Variants in NCAM2 observed in about 807,000 individuals in gnomAD.
NCAM2 encodes the protein N-CAM-2.
In NCAM2, 30 loss-of-function variants were observed where a neutral mutation model predicts 98.1. The ratio of observed to expected loss-of-function variants is 0.31; its 90% CI spans 0.23 to 0.41. The LOEUF is 0.41. NCAM2 is among the 10% of genes least tolerant of loss of function. The pLI, the probability that NCAM2 is intolerant of heterozygous loss-of-function variation, is 1.00. For synonymous variants in NCAM2, 368 were observed against 342.4 expected, an observed-to-expected ratio of 1.07 and a Z score of -0.83; for missense variants, 867 against 1,005.8, an observed-to-expected ratio of 0.86 and a Z score of 1.87.
At chr21:21,078,116 G>A (rs2146391748) in intron 1 of NCAM2, among the ~76,000 whole-genome samples, 1 of 152,078 alleles carries the variant, frequency 6.6e-6, no homozygotes, top group Non-Finnish European at 1.5e-5. Context: ...CACTTATAAG[G>A]GGAGTTTATT....
At chr21:21,413,045 A>C (rs2076919491) in intron 10 of NCAM2, among the ~76,000 whole-genome samples, 1 of 152,170 alleles carries the variant, frequency 6.6e-6, no homozygotes. Flanking sequence ...AACTTTTAAA[A>C]TTGTGTGTTT....
intron 5 of NCAM2, among the ~76,000 whole-genome samples, chr21:21,306,166 TGTTG>T (rs202056674): frequency 6.6e-6 from 1 of 152,266 alleles, no homozygotes; most frequent in Non-Finnish European, 1.5e-5. Flanking sequence ...ATTTTGTTGA[TGTTG>T]GTTAATGTTT....
chr21:21,235,997 T>C (rs922267706), intron 1 of NCAM2, among the ~76,000 whole-genome samples: 1 of 152,092 alleles, frequency 6.6e-6, no homozygotes, highest in African/African-American at 2.4e-5. Context: ...ACTGAGTTAA[T>C]GAATGCTTGA....
intron 1 of NCAM2, among the ~76,000 whole-genome samples, chr21:21,014,177 G>A (rs571014687): frequency 1.2e-4 from 18 of 152,228 alleles, no homozygotes; most frequent in African/African-American, 4.3e-4. Flanking sequence ...CGTAATCCCA[G>A]CACTTTGGGA....
At chr21:21,237,189 C>T (rs1450675598) in intron 1 of NCAM2, among the ~76,000 whole-genome samples, 1 of 152,100 alleles carries the variant, frequency 6.6e-6, no homozygotes, top group African/African-American at 2.4e-5. Context: ...ATTCCATAAT[C>T]CTTTCATTAG....
At chr21:21,503,597 C>A (rs113258401) in intron 15 of NCAM2, among the ~76,000 whole-genome samples, 1 of 151,760 alleles carries the variant, frequency 6.6e-6, no homozygotes. Flanking sequence ...TATAGATAAC[C>A]GAAACTGCAG....
At chr21:21,199,254 G>A (rs1024753859) in intron 1 of NCAM2, among the ~76,000 whole-genome samples, 5 of 152,162 alleles carry the variant, frequency 3.3e-5, no homozygotes, top group African/African-American at 1.2e-4. Flanking sequence ...CAGTCAGAGA[G>A]CTCTGCATTA....
At chr21:21,530,355 A>G (rs1168834185) in intron 16 of NCAM2, among the ~76,000 whole-genome samples, 2 of 145,216 alleles carry the variant, frequency 1.4e-5, no homozygotes, top group Non-Finnish European at 3.0e-5. Flanking sequence ...AAATTAAAAT[A>G]TAATTTGATT....
intron 1 of NCAM2, among the ~76,000 whole-genome samples, chr21:21,043,677 C>T (rs1009287861): frequency 2.6e-5 from 4 of 151,022 alleles, no homozygotes; most frequent in Admixed American, 6.6e-5. Context: ...ACAGTGAAAC[C>T]GCGAATCTAC....
At chr21:21,351,136 A>T (rs1602069739) in intron 8 of NCAM2, among the ~76,000 whole-genome samples, 1 of 149,780 alleles carries the variant, frequency 6.7e-6, no homozygotes, top group Non-Finnish European at 1.5e-5. Flanking sequence ...AAAAAAAAAA[A>T]AAAAAAGAAA....
At chr21:21,516,379 A>G (rs1259248505) in intron 16 of NCAM2, among the ~76,000 whole-genome samples, 2 of 152,052 alleles carry the variant, frequency 1.3e-5, no homozygotes, top group Admixed American at 1.3e-4. Flanking sequence ...TAATTATAAA[A>G]GTTTTTTTTT....
chr21:21,117,569 A>G (rs1283071009), intron 1 of NCAM2, among the ~76,000 whole-genome samples: 1 of 152,250 alleles, frequency 6.6e-6, no homozygotes, highest in African/African-American at 2.4e-5. Flanking sequence ...GCAATAAAAA[A>G]GTAGGAAATA....
intron 8 of NCAM2, among the ~76,000 whole-genome samples, chr21:21,366,899 G>A (rs116378738): frequency 1.3e-5 from 2 of 151,874 alleles, no homozygotes; most frequent in African/African-American, 4.8e-5. Context: ...TTAAATTTTC[G>A]ATTTTAAAAT....
chr21:21,260,943 T>C (rs1315316337), intron 1 of NCAM2, among the ~76,000 whole-genome samples: 1 of 152,084 alleles, frequency 6.6e-6, no homozygotes, highest in Non-Finnish European at 1.5e-5. Context: ...TCAACCACCA[T>C]CTTTTGCCTT....
chr21:21,516,741 T>C (rs1988735710), intron 16 of NCAM2, among the ~76,000 whole-genome samples: 1 of 152,288 alleles, frequency 6.6e-6, no homozygotes, highest in South Asian at 2.1e-4. Context: ...AAAGCTGCTC[T>C]TTTCAGTCGA....
chr21:21,345,159 A>G lies in NCAM2; in HGVS notation c.1044+6625A>G, dbSNP rs569222596. Among the ~76,000 whole-genome samples, 5 of 152,246 alleles carry G rather than the reference A, an allele frequency of 3.3e-5. No individual in the cohort carries two copies. The South Asian group carries it at 1.0e-3, about 32-fold the overall frequency. ...GAAAGCCTTCCTAAGTAGGATGGAT[A>G]CAAATAAGCCCAAACAGTGAAGAAT... On this transcript the variant is annotated intron_variant, in intron 8 of 17. Coordinates refer to ENST00000400546, the MANE Select transcript of NCAM2 (RefSeq NM_004540.5).
intron 1 of NCAM2, among the ~76,000 whole-genome samples, chr21:21,148,757 A>G (rs539472376): frequency 1.3e-4 from 20 of 152,272 alleles, no homozygotes; most frequent in African/African-American, 4.3e-4. Flanking sequence ...TGATGTTCAA[A>G]TCTTTGCAGA....
At chr21:21,227,342 C>G (rs190221329) in intron 1 of NCAM2, among the ~76,000 whole-genome samples, 1 of 151,530 alleles carries the variant, frequency 6.6e-6, no homozygotes, top group Non-Finnish European at 1.5e-5. Context: ...ACTATAAAAA[C>G]ATAAAAGAAG....
At chr21:21,347,449 G>T (rs1301322902) in intron 8 of NCAM2, among the ~76,000 whole-genome samples, 2 of 151,766 alleles carry the variant, frequency 1.3e-5, no homozygotes. Context: ...AAACAGCATG[G>T]TACAGGAAGA....
Sources: gnomAD v4.1 joint callset for allele counts (sites outside exome capture counted in the v4.1 genomes callset) on GRCh38, gnomAD v4.1.1 for gene constraint, MANE v1.5 for transcripts, NCBI Gene and HGNC (gene_info 2026-07-23, HGNC 2026-07-21) for gene names.